ANKRD36C: variants seen among roughly 807,000 people sequenced by gnomAD.
ANKRD36C encodes ankyrin repeat domain 36C, also known as ankyrin repeat domain-containing protein 36C.
Under a neutral mutation model 276.4 loss-of-function variants are expected in ANKRD36C, and 61 were observed. The observed-to-expected ratio is 0.22, with a 90% CI of 0.18 to 0.27. ANKRD36C has a LOEUF of 0.27. Among genes scored for constraint, ANKRD36C ranks in the 10% least tolerant of loss-of-function variants. ANKRD36C has a pLI of 1.00. For synonymous variants in ANKRD36C, 483 were observed against 680.1 expected, an observed-to-expected ratio of 0.71 and a Z score of 4.51; for missense variants, 1,447 against 2,032.3, an observed-to-expected ratio of 0.71 and a Z score of 5.54.
At chr2:95,855,995 C>G in exon 63 of ANKRD36C, 1 of 1,612,872 alleles carries the variant, frequency 6.2e-7, no homozygotes, top group Non-Finnish European at 8.5e-7. Flanking sequence ...CTAATGTTTC[C>G]TCATTCCGTT....
At chr2:95,964,445 A>G (rs1267342521) in intron 6 of ANKRD36C, among the ~76,000 whole-genome samples, 1 of 152,022 alleles carries the variant, frequency 6.6e-6, no homozygotes, top group African/African-American at 2.4e-5. Flanking sequence ...TCGAATAACC[A>G]TATTGGTGGA....
intron 6 of ANKRD36C, 99 bp from the exon 7 acceptor site, chr2:95,962,646 C>T (rs529309194): frequency 3.4e-4 from 482 of 1,435,556 alleles, no homozygotes; most frequent in Non-Finnish European, 4.2e-4. Context: ...CCTCCTGCCC[C>T]TATTAGTTTA....
At chr2:95,873,601 C>T (rs1675866664) in intron 59 of ANKRD36C, among the ~76,000 whole-genome samples, 1 of 152,372 alleles carries the variant, frequency 6.6e-6, no homozygotes, top group South Asian at 2.1e-4. Flanking sequence ...CCTTTGAAAA[C>T]TGGCACAAGA....
chr2:95,895,796 T>G (rs1381369455), intron 44 of ANKRD36C, among the ~76,000 whole-genome samples: 1 of 150,986 alleles, frequency 6.6e-6, no homozygotes, highest in Admixed American at 6.6e-5. Flanking sequence ...ACCCTTACAA[T>G]TTCAAACATG....
intron 42 of ANKRD36C, 130 bp downstream of exon 46, chr2:95,910,243 C>G: frequency 5.3e-6 from 6 of 1,128,964 alleles, no homozygotes; most frequent in Non-Finnish European, 7.3e-6. Flanking sequence ...CAACTTACTA[C>G]AAATGAAGAA....
At chr2:95,884,010 C>T (rs527980115) in intron 54 of ANKRD36C, among the ~76,000 whole-genome samples, 163 bp downstream of exon 74, 31 of 151,984 alleles carry the variant, frequency 2.0e-4, no homozygotes, top group Non-Finnish European at 4.6e-4. Flanking sequence ...ACGTCCAAGA[C>T]CAGCAGCATC....
At chr2:95,914,601 G>T (rs1459772508) in intron 38 of ANKRD36C, among the ~76,000 whole-genome samples, 1 of 151,474 alleles carries the variant, frequency 6.6e-6, no homozygotes, top group East Asian at 2.0e-4. Context: ...GAACATATGT[G>T]ATCTAAAATC....
chr2:95,858,609 A>C (rs1675482670), intron 61 of ANKRD36C, among the ~76,000 whole-genome samples: 1 of 152,222 alleles, frequency 6.6e-6, no homozygotes, highest in Non-Finnish European at 1.5e-5. Flanking sequence ...TTTATAAACA[A>C]GTTGATACAT....
At chr2:95,936,310 C>G (rs1677712502) in intron 22 of ANKRD36C, among the ~76,000 whole-genome samples, 1 of 152,304 alleles carries the variant, frequency 6.6e-6, no homozygotes, top group Non-Finnish European at 1.5e-5. Flanking sequence ...AACAAACCCG[C>G]ACATTGTGCA....
intron 19 of ANKRD36C, among the ~76,000 whole-genome samples, chr2:95,942,429 T>A (rs1178203711): frequency 1.3e-5 from 2 of 152,292 alleles, no homozygotes; most frequent in African/African-American, 4.8e-5. Context: ...AACCAATAAT[T>A]CAAGGTATCC....
intron 6 of ANKRD36C, among the ~76,000 whole-genome samples, chr2:95,965,976 T>C (rs984825502): frequency 6.6e-6 from 1 of 152,160 alleles, no homozygotes; most frequent in African/African-American, 2.4e-5. Flanking sequence ...TTAATTCAAG[T>C]TCTTGGTTAC....
At chr2:95,949,035 T>G (rs1455294815) in intron 16 of ANKRD36C, among the ~76,000 whole-genome samples, 1 of 152,104 alleles carries the variant, frequency 6.6e-6, no homozygotes, top group African/African-American at 2.4e-5. Flanking sequence ...TCTTCTCCAT[T>G]ATCTATTTCT....
intron 1 of ANKRD36C, among the ~76,000 whole-genome samples, chr2:95,989,795 A>T (rs928403459): frequency 2.1e-4 from 32 of 152,198 alleles, no homozygotes; most frequent in Non-Finnish European, 3.4e-4. Flanking sequence ...CTTTACCCTC[A>T]CAAATTTGTG....
chr2:95,946,156 G>GAAAAAAAAAAAAAAAAAAAAAAA (rs56964568), intron 17 of ANKRD36C, among the ~76,000 whole-genome samples: 15 of 73,300 alleles, frequency 2.0e-4, no homozygotes, highest in South Asian at 5.1e-4. Context: ...ACAGAGAGAG[G>GAAAAAAAAAAAAAAAAAAAAAAA]AAAAAAAAAA....
Position 95,908,496 on chromosome 2 carries a change from A to G in ANKRD36C, c.2653+3748T>C. On this transcript the variant is annotated intron_variant, in intron 42 of 66. Transcript: ENST00000456556. Reference sequence around the variant, plus strand: ...AACATGACATTAAATCTCTTTTCAAAATTACCTCTCCTAGTTTTTTCTCCA... The same window carrying G: ...AACATGACATTAAATCTCTTTTCAAGATTACCTCTCCTAGTTTTTTCTCCA... 2 of 1,524,916 alleles carry G rather than the reference A, an allele frequency of 1.3e-6. No individual in the cohort carries two copies. The highest frequency in any genetic ancestry group is 1.8e-6 in the Non-Finnish European group (2 of 1,129,148). 94.5% of individuals were successfully genotyped at this position (1,524,916 alleles called of 1,614,324 possible). A position where few individuals can be genotyped will look rare whatever the true frequency, so the allele number is the denominator to read the frequency against.
At chr2:95,943,684 CAA>C (rs1245940831) in intron 19 of ANKRD36C, among the ~76,000 whole-genome samples, 1 of 151,610 alleles carries the variant, frequency 6.6e-6, no homozygotes, top group Non-Finnish European at 1.5e-5. Flanking sequence ...AAACTTTTAA[CAA>C]GAGTCAAAAA....
chr2:95,955,068 C>T (rs1411077457), intron 13 of ANKRD36C, among the ~76,000 whole-genome samples: 6 of 152,266 alleles, frequency 3.9e-5, no homozygotes, highest in Non-Finnish European at 8.8e-5. Flanking sequence ...AATGAAGCTT[C>T]ATTGCTGGTT....
At chr2:95,948,450 A>G in intron 17 of ANKRD36C, 80 bp downstream of exon 17, 4 of 1,405,560 alleles carry the variant, frequency 2.8e-6, no homozygotes, top group South Asian at 1.4e-5. Flanking sequence ...ATAGGTAGAC[A>G]ATTGCTAAGT....
chr2:95,892,980 A>G (rs1487278344), intron 44 of ANKRD36C, among the ~76,000 whole-genome samples: 1 of 150,796 alleles, frequency 6.6e-6, no homozygotes, highest in African/African-American at 2.4e-5. Context: ...TTATTAAAAT[A>G]TTCCAAATGC....
Sources: allele counts gnomAD v4.1 joint callset (sites outside exome capture counted in the v4.1 genomes callset), GRCh38; gene constraint gnomAD v4.1.1; transcripts MANE v1.5; gene names NCBI Gene and HGNC (gene_info 2026-07-23, HGNC 2026-07-21).